PPT1: variants seen among roughly 807,000 people sequenced by gnomAD.
PPT1 encodes the protein ceroid-palmitoyl-palmitoyl-protein thioesterase 1.
PPT1 carries 24 observed loss-of-function variants against 44.0 expected under a neutral mutation model. That is an observed-to-expected ratio of 0.54 (90% CI 0.39 to 0.77). PPT1 has a LOEUF of 0.77. PPT1 is among the 30% of genes least tolerant of loss of function. The probability of loss-of-function intolerance (pLI) is 0.00; values close to 1 mark genes in which losing one functional copy is unlikely to be tolerated. For missense variants in PPT1, 341 were observed against 378.8 expected, an observed-to-expected ratio of 0.90 and a Z score of 0.83; for synonymous variants, 148 against 140.2, an observed-to-expected ratio of 1.06 and a Z score of -0.39.
intron 7 of PPT1, among the ~76,000 whole-genome samples, chr1:40,078,066 G>A (rs1042243468): frequency 4.6e-5 from 7 of 152,130 alleles, no homozygotes; most frequent in Admixed American, 2.6e-4. Flanking sequence ...TTTGGGGTTG[G>A]GGGATTGATT....
chr1:40,097,069 GAA>G (rs1254189721), intron 1 of PPT1, 44 bp downstream of exon 1: 1 of 1,613,784 alleles, frequency 6.2e-7, no homozygotes, highest in East Asian at 2.2e-5. Flanking sequence ...CCCAGGCTAG[GAA>G]GAGAGAGAAT....
intron 1 of PPT1, chr1:40,096,888 A>G: frequency 1.4e-6 from 1 of 724,346 alleles, no homozygotes; most frequent in Non-Finnish European, 2.3e-6. Context: ...TAAAACTTCA[A>G]CGCCGTGCGC....
Position 40,092,177 on chromosome 1 carries a change from A to G in PPT1, c.235-5T>C, listed in dbSNP as rs1325787292. 1 of 1,614,072 alleles carries G rather than the reference A, an allele frequency of 6.2e-7. No homozygotes were observed. The highest frequency in any genetic ancestry group is 8.5e-7 in the Non-Finnish European group (1 of 1,180,014). On this transcript the variant is annotated splice_polypyrimidine_tract_variant and splice_region_variant and intron_variant, in intron 2 of 8. Transcript: ENST00000642050. ...GAAGAAGCTGTTCTCCACGTCCTAAAAAAGAAGCCAGAGAGAAGTGAGAGG... is the reference window on the plus strand; with the variant it reads ...GAAGAAGCTGTTCTCCACGTCCTAAGAAAGAAGCCAGAGAGAAGTGAGAGG...
intron 3 of PPT1, 67 bp from the exon 4 acceptor site, chr1:40,091,466 A>T: frequency 7.1e-7 from 1 of 1,418,050 alleles, no homozygotes; most frequent in East Asian, 2.4e-5. Context: ...AATCAGCATC[A>T]CAGATTAAGC....
At chr1:40,086,492 GTC>G (rs1398192353) in intron 5 of PPT1, among the ~76,000 whole-genome samples, 1 of 152,100 alleles carries the variant, frequency 6.6e-6, no homozygotes, top group African/African-American at 2.4e-5. Context: ...ATCTTTTGGG[GTC>G]TCTGCCTCTC....
intron 1 of PPT1, chr1:40,094,121 G>A (rs1649721465): frequency 6.9e-6 from 4 of 581,290 alleles, no homozygotes; most frequent in Non-Finnish European, 1.3e-5. Context: ...TATCACAGGG[G>A]ATATTTGGGG....
chr1:40,075,732 G>C (rs556109700), intron 8 of PPT1, among the ~76,000 whole-genome samples: 15 of 152,100 alleles, frequency 9.9e-5, no homozygotes, highest in Admixed American at 9.2e-4. Flanking sequence ...TGAAGGCTGA[G>C]GCAGGTGGAT....
At chr1:40,090,940 T>G (rs1373057071) in intron 4 of PPT1, among the ~76,000 whole-genome samples, 25 of 152,246 alleles carry the variant, frequency 1.6e-4, no homozygotes, top group Admixed American at 1.6e-3. Flanking sequence ...TCAAAGAGTT[T>G]AAATTTATAG....
At chr1:40,091,967 G>A in intron 3 of PPT1, 78 bp downstream of exon 3, 1 of 1,547,600 alleles carries the variant, frequency 6.5e-7, no homozygotes, top group Non-Finnish European at 8.9e-7. Flanking sequence ...TCTTGAATTG[G>A]AGGAGTGGAT....
intron 1 of PPT1, chr1:40,094,107 C>T: frequency 1.7e-6 from 1 of 602,892 alleles, no homozygotes; most frequent in Non-Finnish European, 3.1e-6. Context: ...ACATTCCCTT[C>T]CCCTATCACA....
At position 40,076,912 on chromosome 1, in the gene PPT1, C is replaced by T. The variant is rs1477443863; in HGVS notation, c.728G>A (p.Trp243Ter). 1 of 1,614,122 alleles carries T rather than the reference C, an allele frequency of 6.2e-7. No individual in the cohort carries two copies. The highest frequency in any genetic ancestry group is 8.5e-7 in the Non-Finnish European group (1 of 1,179,986). ...TTGGCCACTTCTGTAAAATCCAAAC[C>T]ACTGCAGAAGAAGCAAAGGAAAGAA... The part of the protein sequence containing the change: ...DSIVDPVDSE[W>*]FGFYRSGQAK... The change falls in exon 8 of 9, where the codon TGG becomes TAG. Residue 243 changes from tryptophan to a stop codon, truncating the protein, a stop_gained and splice_region_variant. Coordinates refer to ENST00000642050, the MANE Select transcript of PPT1 (RefSeq NM_000310.4). LOFTEE classifies it high-confidence loss of function.
chr1:40,087,289 T>C (rs947633759), intron 5 of PPT1, among the ~76,000 whole-genome samples: 2 of 151,978 alleles, frequency 1.3e-5, no homozygotes, highest in African/African-American at 4.8e-5. Flanking sequence ...GTCATCTAGG[T>C]TGGGGTGCAG....
In PPT1 at chr1:40,078,877, A is replaced by C. The variant is rs1462121922; in HGVS notation, c.628-219T>G. On this transcript the variant is annotated intron_variant, in intron 6 of 8. Coordinates refer to ENST00000642050, the MANE Select transcript of PPT1 (RefSeq NM_000310.4). ...TATTTTATTTTAGATTCAGGGGGGT[A>C]CATGTGTAGTTTTGTTATAAGGGTA... 7.6e-6 allele frequency: 4 copies of C among 524,020 alleles called. No individual in the cohort carries two copies. The East Asian group carries it at 1.8e-4, about 23-fold the overall frequency. The allele number at this position is 524,020 out of a possible 1,614,324, so 32.5% of individuals were successfully genotyped here.
intron 1 of PPT1, 139 bp downstream of exon 1, chr1:40,096,975 TC>T: frequency 1.4e-6 from 2 of 1,450,824 alleles, no homozygotes; most frequent in Non-Finnish European, 1.9e-6. Flanking sequence ...CCAATGCAGA[TC>T]CTTCAAATCC....
At chr1:40,086,774 A>T (rs1557711034) in intron 5 of PPT1, among the ~76,000 whole-genome samples, 1 of 152,064 alleles carries the variant, frequency 6.6e-6, no homozygotes, top group Non-Finnish European at 1.5e-5. Context: ...CTGCATGGAG[A>T]GAAAGAAGCA....
chr1:40,091,969 G>C, intron 3 of PPT1, 76 bp downstream of exon 3: 1 of 1,552,530 alleles, frequency 6.4e-7, no homozygotes, highest in South Asian at 1.1e-5. Context: ...TTGAATTGGA[G>C]GAGTGGATTT....
chr1:40,072,265 A>AC (rs1474202616), downstream of PPT1: 17 of 299,374 alleles, frequency 5.7e-5, no homozygotes, highest in South Asian at 2.6e-4. Flanking sequence ...AAAAAAAAAA[A>AC]AAAAAACCCA....
At chr1:40,075,830 G>C (rs1411002254) in intron 8 of PPT1, among the ~76,000 whole-genome samples, 2 of 151,438 alleles carry the variant, frequency 1.3e-5, no homozygotes, top group African/African-American at 4.9e-5. Context: ...GCATGGTGGC[G>C]TGTGCCTGTA....
rs554397018 is a variant in PPT1 at position 40,096,124 on chromosome 1, C to T, written c.124+991G>A. ...GCCAAATGGCAACTGTCCTCATCTACCTCAGTTTTGTACTCAGATGTCACT... is the reference window on the plus strand; with the variant it reads ...GCCAAATGGCAACTGTCCTCATCTATCTCAGTTTTGTACTCAGATGTCACT... On this transcript the variant is annotated intron_variant, in intron 1 of 8. Transcript: ENST00000642050. Among the ~76,000 whole-genome samples the T allele has an allele frequency of 2.7e-5, 4 of 148,566 alleles. No individual in the cohort carries two copies. The East Asian group carries it at 7.8e-4, about 29-fold the overall frequency.
Sources: allele counts gnomAD v4.1 joint callset (sites outside exome capture counted in the v4.1 genomes callset), GRCh38; gene constraint gnomAD v4.1.1; transcripts MANE v1.5; gene names NCBI Gene and HGNC (gene_info 2026-07-23, HGNC 2026-07-21).